The following CPPED1 variants were observed in gnomAD, a reference collection of about 807,000 sequenced individuals.
The protein encoded by CPPED1 is calcineurin like phosphoesterase domain containing 1, also known as serine/threonine-protein phosphatase CPPED1.
Under a neutral mutation model 28.0 loss-of-function variants are expected in CPPED1, and 28 were observed. The observed-to-expected ratio is 1.00, with a 90% confidence interval of 0.74 to 1.37. The LOEUF is 1.37. Ranked by LOEUF, CPPED1 falls within the 40% of genes most tolerant of loss-of-function variation. The pLI is 0.00. For synonymous variants in CPPED1, 198 were observed against 180.2 expected (o/e 1.10, Z -0.79); for missense variants, 504 against 416.5 (o/e 1.21, Z -1.83).
chr16:12,689,682 C>T lies in CPPED1; in HGVS notation c.715+14942G>A, dbSNP rs550363336. ...CAGGATTTCACAAAGCCGAAGGAAA[C>T]GACACTGGGGAAGTCATCGGCAAAT... is the stretch of plus-strand genomic sequence containing the variant. On this transcript the variant is annotated intron_variant, in intron 3 of 3. Transcript: ENST00000381774. 3.9e-5 allele frequency among the ~76,000 whole-genome samples: 6 copies of T among 152,182 alleles called. No individual in the cohort carries two copies. The East Asian group carries it at 7.7e-4, about 20-fold the overall frequency.
At chr16:12,736,267 ATG>A (rs1270124783) in intron 2 of CPPED1, among the ~76,000 whole-genome samples, 2 of 148,144 alleles carry the variant, frequency 1.4e-5, no homozygotes, top group Non-Finnish European at 1.5e-5. Flanking sequence ...TTTTTTTGAG[ATG>A]GAGTCTCACT....
chr16:12,731,078 TG>T, intron 2 of CPPED1, among the ~76,000 whole-genome samples: 2 of 151,552 alleles, frequency 1.3e-5, no homozygotes, highest in Non-Finnish European at 2.9e-5. Context: ...AAGGCCAAGG[TG>T]GGAGGATCAC....
Position 12,663,537 on chromosome 16 carries a change from G to C in CPPED1, c.*1349C>G, listed in dbSNP as rs1239369358. On this transcript the variant is annotated 3_prime_UTR_variant, in exon 4 of 4. Transcript: ENST00000381774. ...TTGTGGCACATAACAATGAACTCTG[G>C]TGTCACCAGCCTATTGTATAATTAA... 6.6e-6 allele frequency: 1 copy of C among 152,128 alleles called. No individual in the cohort carries two copies. 9.4% of individuals were successfully genotyped at this position (152,128 alleles called of 1,614,324 possible).
In CPPED1 at chr16:12,664,671, TCC is replaced by T. The variant is rs755316542; in HGVS notation, c.*213_*214del. ...TAGTCTAATATTTTAAAAACTGATT[TCC>T]AGGATCATTCGCTCCATTTTAAAGG... On this transcript the variant is annotated 3_prime_UTR_variant, in exon 4 of 4. Transcript: ENST00000381774. The surrounding 1 kb of genome is among the most constrained non-coding windows in gnomAD (Gnocchi z 4.2). 1.1e-5 allele frequency: 15 copies of T among 1,391,400 alleles called. No homozygotes were observed. Among genetic ancestry groups the T allele is most frequent in the Non-Finnish European group, 1.3e-5 (14 of 1,082,886 alleles). The allele number at this position is 1,391,400 out of a possible 1,614,324, so 86.2% of individuals were successfully genotyped here.
At position 12,704,999 on chromosome 16, in the gene CPPED1, C is replaced by T. The variant is rs1055853492; in HGVS notation, c.340G>A (p.Ala114Thr). ...QTEDLKRVLRAVDRAIPLVLV... is the reference protein window; with the variant it reads ...QTEDLKRVLRTVDRAIPLVLV... Reference sequence around the variant, plus strand: ...ACCAGTGGGATGGCCCTGTCCACTGCCCTAAGCACTCGCTTCAGGTCCTCC... The same window carrying T: ...ACCAGTGGGATGGCCCTGTCCACTGTCCTAAGCACTCGCTTCAGGTCCTCC... The change falls in exon 3 of 4, where the codon GCA (alanine) becomes ACA (threonine). Residue 114 changes from alanine (A) to threonine (T), a missense_variant. Ala to Thr is a moderately conservative substitution (Grantham distance 58). Transcript: ENST00000381774. 3.7e-6 allele frequency: 6 copies of T among 1,614,116 alleles called. No homozygotes were observed. Among genetic ancestry groups the T allele is most frequent in the Non-Finnish European group, 5.1e-6 (6 of 1,179,978 alleles).
chr16:12,730,319 A>T (rs1437261931), intron 2 of CPPED1, among the ~76,000 whole-genome samples: 1 of 152,178 alleles, frequency 6.6e-6, no homozygotes, highest in Non-Finnish European at 1.5e-5. Flanking sequence ...ACTTAGTTTA[A>T]GTTAAATATT....
chr16:12,710,636 T>C (rs1281625146), intron 2 of CPPED1, among the ~76,000 whole-genome samples: 1 of 151,998 alleles, frequency 6.6e-6, no homozygotes, highest in Non-Finnish European at 1.5e-5. Context: ...CTCCTAAAAC[T>C]CAACAACCAC....
intron 2 of CPPED1, among the ~76,000 whole-genome samples, chr16:12,779,154 C>T (rs187238653): frequency 1.3e-5 from 2 of 152,182 alleles, no homozygotes; most frequent in Admixed American, 1.3e-4. Flanking sequence ...TTCCAGTGAG[C>T]CCTATAACAT....
At chr16:12,759,691 G>C (rs745813964) in intron 2 of CPPED1, among the ~76,000 whole-genome samples, 10 of 152,218 alleles carry the variant, frequency 6.6e-5, no homozygotes, top group African/African-American at 9.7e-5. Context: ...TCATGACAGT[G>C]CGTGAGTTCT....
At chr16:12,769,750 G>T (rs766273982) in intron 2 of CPPED1, among the ~76,000 whole-genome samples, 1 of 152,114 alleles carries the variant, frequency 6.6e-6, no homozygotes, top group Admixed American at 6.6e-5. Flanking sequence ...CGACCTGCTG[G>T]AAAATCTGAG....
At chr16:12,749,716 T>C (rs1192354408) in intron 2 of CPPED1, among the ~76,000 whole-genome samples, 1 of 152,140 alleles carries the variant, frequency 6.6e-6, no homozygotes, top group African/African-American at 2.4e-5. Flanking sequence ...GCCTCCCAAG[T>C]AGCTTGAATT....
intron 2 of CPPED1, among the ~76,000 whole-genome samples, chr16:12,746,389 A>AG (rs2080288560): frequency 6.6e-6 from 1 of 151,940 alleles, no homozygotes; most frequent in African/African-American, 2.4e-5. Flanking sequence ...AAAAAAAAAA[A>AG]AAAAAATTCG....
intron 1 of CPPED1, among the ~76,000 whole-genome samples, chr16:12,792,813 C>G (rs997156173): frequency 6.6e-6 from 1 of 152,180 alleles, no homozygotes; most frequent in Non-Finnish European, 1.5e-5. Flanking sequence ...CCTTTGTCTT[C>G]CCCCATGATT....
chr16:12,713,798 T>A (rs1400714005), intron 2 of CPPED1, among the ~76,000 whole-genome samples: 2 of 152,142 alleles, frequency 1.3e-5, no homozygotes, highest in African/African-American at 4.8e-5. Context: ...GAGATATAAA[T>A]ACACAAACAA....
intron 3 of CPPED1, among the ~76,000 whole-genome samples, chr16:12,679,101 C>T (rs1272558930): frequency 6.6e-6 from 1 of 152,100 alleles, no homozygotes; most frequent in South Asian, 2.1e-4. Context: ...CTCACAAAAG[C>T]CTTGCAAAGA....
At chr16:12,784,930 T>C (rs1484903276) in intron 1 of CPPED1, among the ~76,000 whole-genome samples, 1 of 152,240 alleles carries the variant, frequency 6.6e-6, no homozygotes, top group East Asian at 1.9e-4. Context: ...ATCTCAATTT[T>C]ATGTGACAAA....
intron 3 of CPPED1, among the ~76,000 whole-genome samples, chr16:12,684,008 C>A (rs990466337): frequency 1.3e-5 from 2 of 152,076 alleles, no homozygotes; most frequent in South Asian, 4.1e-4. Context: ...AGTTCCAAGG[C>A]GGAAGAAGAG....
intron 2 of CPPED1, among the ~76,000 whole-genome samples, chr16:12,775,844 G>A (rs1177757661): frequency 6.6e-6 from 1 of 152,174 alleles, no homozygotes; most frequent in African/African-American, 2.4e-5. Flanking sequence ...AATGGAAATA[G>A]CAATGACACC....
At chr16:12,781,976 AAAAAAAG>A (rs2080534450) in intron 1 of CPPED1, among the ~76,000 whole-genome samples, 1 of 152,074 alleles carries the variant, frequency 6.6e-6, no homozygotes, top group South Asian at 2.1e-4. Flanking sequence ...GTGGGAGAAA[AAAAAAAG>A]AAAAAAGAAA....
Sources: gnomAD v4.1 joint callset for allele counts (sites outside exome capture counted in the v4.1 genomes callset) on GRCh38, gnomAD v4.1.1 for gene constraint, Gnocchi (gnomAD v3.1) non-coding constraint, MANE v1.5 for transcripts, NCBI Gene and HGNC (gene_info 2026-07-23, HGNC 2026-07-21) for gene names.